The following DOCK5 variants were observed in gnomAD, a reference collection of about 807,000 sequenced individuals.
The protein encoded by DOCK5 is dedicator of cytokinesis protein 5.
Under a neutral mutation model 251.8 loss-of-function variants are expected in DOCK5, and 142 were observed. That is an observed-to-expected ratio of 0.56 (90% confidence interval 0.49 to 0.65). The LOEUF (loss-of-function observed/expected upper bound fraction) is 0.65. Ranked by LOEUF, DOCK5 falls within the 30% of genes least tolerant of loss-of-function variation. The pLI is 0.00. For synonymous variants in DOCK5, 842 were observed against 835.5 expected (o/e 1.01, Z -0.13); for missense variants, 2,111 against 2,312.3 (o/e 0.91, Z 1.79).
In DOCK5 at chr8:25,361,591, G is replaced by A. The variant is rs148676815; in HGVS notation, c.2950-1456G>A. Among the ~76,000 whole-genome samples the A allele has an allele frequency of 6.9e-3, 1,047 of 152,254 alleles. 21 individuals carry two copies. Among genetic ancestry groups the A allele is most frequent in the African/African-American group, 0.024 (1,006 of 41,538 alleles). On this transcript the variant is annotated intron_variant, in intron 28 of 51. Coordinates refer to ENST00000276440, the MANE Select transcript of DOCK5 (RefSeq NM_024940.8). Reference sequence around the variant, plus strand: ...ATTGTGCCGCTGCACTCCAGCCTGGGCGACAAAGCAAGACTCCATCTCGAA... The same window carrying A: ...ATTGTGCCGCTGCACTCCAGCCTGGACGACAAAGCAAGACTCCATCTCGAA...
In DOCK5 at chr8:25,373,599, T is replaced by TC; in HGVS notation, c.3685-17dup. On this transcript the variant is annotated intron_variant, in intron 35 of 51. Coordinates refer to ENST00000276440, the MANE Select transcript of DOCK5 (RefSeq NM_024940.8). ...CTTGATTTATGTTGGGATTCTGTGA[T>TC]CCTTTTTTTTCCTGGCAGAACTTTT... 6.5e-7 allele frequency: 1 copy of TC among 1,547,164 alleles called. No homozygotes were observed. The highest frequency in any genetic ancestry group is 8.7e-7 in the Non-Finnish European group (1 of 1,145,890).
chr8:25,408,054 A>C lies in DOCK5; in HGVS notation c.5165A>C (p.Glu1722Ala). 6.2e-7 allele frequency: 1 copy of C among 1,610,918 alleles called. No individual in the cohort carries two copies. Among genetic ancestry groups the C allele is most frequent in the African/African-American group, 1.3e-5 (1 of 74,972 alleles). Reference protein sequence around the residue: ...GARVEDLSLREENSENRISKF... With the variant: ...GARVEDLSLRAENSENRISKF... Reference sequence around the variant, plus strand: ...AGAGTTGAAGATCTGTCCCTTAGAGAGGAGAACAGCGAGAACCGGATCAGC... The same window carrying C: ...AGAGTTGAAGATCTGTCCCTTAGAGCGGAGAACAGCGAGAACCGGATCAGC... The change falls in exon 49 of 52, where the codon GAG becomes GCG. Residue 1722 changes from glutamate (E) to alanine (A), a missense_variant. Transcript: ENST00000276440.
At chr8:25,316,407 A>G (rs1223715102) in intron 13 of DOCK5, among the ~76,000 whole-genome samples, 1 of 152,172 alleles carries the variant, frequency 6.6e-6, no homozygotes, top group Non-Finnish European at 1.5e-5. Flanking sequence ...CTTGAGCCCA[A>G]GAGGCCAATG....
chr8:25,189,183 GC>G, intron 1 of DOCK5, among the ~76,000 whole-genome samples: 1 of 151,054 alleles, frequency 6.6e-6, no homozygotes, highest in African/African-American at 2.4e-5. Flanking sequence ...ACCATGCCTG[GC>G]TTAAGTTTTT....
rs1310343500 is a variant in DOCK5, at chr8:25,351,780, G to T, written c.2804G>T (p.Arg935Met). The change falls in exon 27 of 52, where the codon AGG becomes ATG. Residue 935 changes from arginine (R) to methionine (M), a missense_variant. This residue lies in a region of DOCK5 where 1,717 missense variants were observed against 1,892.4 expected (regional missense o/e 0.91). Transcript: ENST00000276440. ...IQLIMERLLR[R>M]INRTVIGMNR... ...CTTATAATGGAACGGCTGCTGAGAAGGATCAACCGGACAGTGATTGGGATG... is the reference window on the plus strand; with the variant it reads ...CTTATAATGGAACGGCTGCTGAGAATGATCAACCGGACAGTGATTGGGATG... 4 of 1,613,910 alleles carry T rather than the reference G, an allele frequency of 2.5e-6. No individual in the cohort carries two copies. The highest frequency in any genetic ancestry group is 3.3e-4 in the Middle Eastern group (2 of 6,062).
intron 36 of DOCK5, among the ~76,000 whole-genome samples, 175 bp from the exon 37 acceptor site, chr8:25,374,389 G>T (rs1800927315): frequency 6.6e-6 from 1 of 152,112 alleles, no homozygotes; most frequent in Admixed American, 6.5e-5. Flanking sequence ...CAGCTACTTA[G>T]GAGGCTAAGG....
intron 1 of DOCK5, among the ~76,000 whole-genome samples, chr8:25,217,811 C>T (rs1802286749): frequency 6.6e-6 from 1 of 152,164 alleles, no homozygotes; most frequent in Non-Finnish European, 1.5e-5. Context: ...AATTCTCTTT[C>T]AGTATTTCTG....
intron 38 of DOCK5, among the ~76,000 whole-genome samples, chr8:25,378,956 G>A (rs1801015059): frequency 6.6e-6 from 1 of 152,190 alleles, no homozygotes; most frequent in Admixed American, 6.5e-5. Context: ...CACCTGAGCT[G>A]CAAAACCAGC....
chr8:25,229,671 A>G (rs1802619678), intron 1 of DOCK5, among the ~76,000 whole-genome samples: 2 of 152,162 alleles, frequency 1.3e-5, no homozygotes, highest in Non-Finnish European at 2.9e-5. Context: ...TTGCTTACAT[A>G]TATATATGAA....
At chr8:25,309,046 C>A in intron 12 of DOCK5, 121 bp downstream of exon 12, 1 of 1,353,082 alleles carries the variant, frequency 7.4e-7, no homozygotes, top group South Asian at 1.6e-5. Flanking sequence ...CTGCTGGGGA[C>A]CATCCCCCTC....
At position 25,363,629 on chromosome 8, in the gene DOCK5, A is replaced by C. The variant is rs949144362; in HGVS notation, c.3044+488A>C. ...GTTATTTTATCAGGATATACTCCTA[A>C]AATAATTTAGTAGTTCAAAAGTTTG... On this transcript the variant is annotated intron_variant, in intron 29 of 51. Transcript: ENST00000276440. Among the ~76,000 whole-genome samples, 4 of 152,382 alleles carry C rather than the reference A, an allele frequency of 2.6e-5. No homozygotes were observed. The South Asian group carries it at 8.3e-4, about 32-fold the overall frequency.
At chr8:25,377,032 G>A (rs999358108) in intron 37 of DOCK5, among the ~76,000 whole-genome samples, 1 of 152,080 alleles carries the variant, frequency 6.6e-6, no homozygotes. Context: ...ATCTGACTGT[G>A]TTACTGATGC....
At chr8:25,272,681 C>CT (rs909766725) in intron 3 of DOCK5, among the ~76,000 whole-genome samples, 2 of 152,094 alleles carry the variant, frequency 1.3e-5, no homozygotes, top group African/African-American at 2.4e-5. Flanking sequence ...GAGTTTTGGA[C>CT]TTTTTTTATT....
At chr8:25,349,099 GAGA>G (rs1327347157) in intron 26 of DOCK5, among the ~76,000 whole-genome samples, 1 of 152,194 alleles carries the variant, frequency 6.6e-6, no homozygotes, top group Non-Finnish European at 1.5e-5. Flanking sequence ...GAAGGAGGAA[GAGA>G]AGAAGGGACA....
intron 40 of DOCK5, among the ~76,000 whole-genome samples, chr8:25,385,018 G>A (rs1801139148): frequency 6.6e-6 from 1 of 152,198 alleles, no homozygotes. Context: ...GAGTGGAGCA[G>A]GTAAAGGGGG....
chr8:25,192,206 A>G (rs1801599524), intron 1 of DOCK5, among the ~76,000 whole-genome samples: 1 of 21,392 alleles, frequency 4.7e-5, no homozygotes, highest in Non-Finnish European at 2.1e-4. Context: ...AGTCTTTGCT[A>G]TTGTGAATGT....
chr8:25,197,587 T>G, intron 1 of DOCK5, among the ~76,000 whole-genome samples: 1 of 140,146 alleles, frequency 7.1e-6, no homozygotes, highest in Non-Finnish European at 1.5e-5. Context: ...TTTTTTTTTT[T>G]TTTTTTTTTT....
intron 1 of DOCK5, among the ~76,000 whole-genome samples, chr8:25,191,883 C>T (rs1370448727): frequency 2.0e-5 from 3 of 151,766 alleles, no homozygotes; most frequent in South Asian, 2.1e-4. Flanking sequence ...TCGTCATTTA[C>T]ATTAGTTATA....
At chr8:25,315,567 C>A (rs1172290050) in intron 13 of DOCK5, among the ~76,000 whole-genome samples, 2 of 152,346 alleles carry the variant, frequency 1.3e-5, no homozygotes, top group African/African-American at 4.8e-5. Flanking sequence ...CGTGATTATA[C>A]CATAATTTAT....
Sources: gnomAD v4.1 joint callset for allele counts (sites outside exome capture counted in the v4.1 genomes callset) on GRCh38, gnomAD v4.1.1 for gene constraint, gnomAD v4.1.1 regional missense constraint, MANE v1.5 for transcripts, NCBI Gene and HGNC (gene_info 2026-07-23, HGNC 2026-07-21) for gene names.